The following SYNJ2BP variants were observed in gnomAD, a reference collection of about 807,000 sequenced individuals.
The protein encoded by SYNJ2BP is synaptojanin 2 binding protein.
In SYNJ2BP, 10 loss-of-function variants were observed where a neutral mutation model predicts 16.9. The observed-to-expected ratio is 0.59, with a 90% confidence interval of 0.36 to 1.00. The LOEUF is 1.00. Among genes scored for constraint, SYNJ2BP ranks in the 50% least tolerant of loss-of-function variants. SYNJ2BP has a pLI of 0.01. For synonymous variants in SYNJ2BP, 54 were observed against 68.4 expected (o/e 0.79, Z 1.04); for missense variants, 162 against 186.7 (o/e 0.87, Z 0.77).
intron 1 of SYNJ2BP, among the ~76,000 whole-genome samples, chr14:70,395,771 C>G (rs533538585): frequency 6.6e-6 from 1 of 152,194 alleles, no homozygotes; most frequent in Non-Finnish European, 1.5e-5. Flanking sequence ...TCTATACCCA[C>G]TAAAAAATAG....
In SYNJ2BP at chr14:70,369,637, C is replaced by T. The variant is rs1183123490; in HGVS notation, c.*3354G>A. ...ATGAGACATGAAATAATGTACCAAT[C>T]AGAGTTTGGTACAGTCCCTGGCATA... On this transcript the variant is annotated 3_prime_UTR_variant, in exon 4 of 4. Coordinates refer to ENST00000256366, the MANE Select transcript of SYNJ2BP (RefSeq NM_018373.3). 6.6e-6 allele frequency: 1 copy of T among 152,146 alleles called. No homozygotes were observed. The highest frequency in any genetic ancestry group is 1.5e-5 in the Non-Finnish European group (1 of 68,020). 9.4% of individuals were successfully genotyped at this position (152,146 alleles called of 1,614,324 possible).
intron 2 of SYNJ2BP, among the ~76,000 whole-genome samples, chr14:70,376,353 T>TA (rs1887629852): frequency 6.6e-6 from 1 of 152,240 alleles, no homozygotes; most frequent in Non-Finnish European, 1.5e-5. Context: ...CAAAACTTAG[T>TA]AAAAACCATA....
Position 70,393,965 on chromosome 14 carries a change from T to TAAA in SYNJ2BP, c.65-5362_65-5360dup, listed in dbSNP as rs71105707. ...GCACATGTATCTCAGAACTTAAAAT[T>TAAA]AAAAAAAAAAAAAAAGATTTGAAAC... On this transcript the variant is annotated intron_variant, in intron 1 of 3. Transcript: ENST00000256366. Among the ~76,000 whole-genome samples, 1,248 of 135,682 alleles carry TAAA rather than the reference T, an allele frequency of 9.2e-3. 23 individuals are homozygous for TAAA. The highest frequency in any genetic ancestry group is 0.032 in the African/African-American group (1,141 of 36,222). 89.0% of individuals were successfully genotyped at this position (135,682 alleles called of 152,430 possible).
intron 3 of SYNJ2BP, among the ~76,000 whole-genome samples, chr14:70,374,870 T>G (rs1887590801): frequency 6.6e-6 from 1 of 151,924 alleles, no homozygotes; most frequent in Non-Finnish European, 1.5e-5. Flanking sequence ...ATTGGCTACG[T>G]TTTTTTACCA....
At chr14:70,406,887 G>T (rs1012198077) in intron 1 of SYNJ2BP, among the ~76,000 whole-genome samples, 1 of 152,150 alleles carries the variant, frequency 6.6e-6, no homozygotes, top group Non-Finnish European at 1.5e-5. Context: ...TGTACAGCTA[G>T]CGCTGTGTGA....
chr14:70,397,061 G>A (rs1230115211), intron 1 of SYNJ2BP, among the ~76,000 whole-genome samples: 1 of 152,130 alleles, frequency 6.6e-6, no homozygotes, highest in Admixed American at 6.6e-5. Context: ...TAGCCAAATC[G>A]AAGGTATTGA....
chr14:70,375,279 G>A (rs1032226881), intron 3 of SYNJ2BP, among the ~76,000 whole-genome samples: 5 of 146,172 alleles, frequency 3.4e-5, no homozygotes, highest in African/African-American at 1.3e-4. Flanking sequence ...TTGGCTCACT[G>A]CAACCTCTAC....
chr14:70,391,586 T>C (rs747713040), intron 1 of SYNJ2BP, among the ~76,000 whole-genome samples: 2 of 152,228 alleles, frequency 1.3e-5, no homozygotes, highest in African/African-American at 2.4e-5. Flanking sequence ...AATCTTTTGA[T>C]GAAATCCAAC....
chr14:70,387,955 G>A (rs943009193), intron 2 of SYNJ2BP, among the ~76,000 whole-genome samples: 1 of 152,014 alleles, frequency 6.6e-6, no homozygotes, highest in Admixed American at 6.6e-5. Context: ...GGAACACAGC[G>A]GACAGGTACC....
intron 1 of SYNJ2BP, among the ~76,000 whole-genome samples, chr14:70,396,028 A>G (rs934445012): frequency 9.2e-5 from 14 of 152,142 alleles, no homozygotes; most frequent in Admixed American, 7.9e-4. Flanking sequence ...TTATTTACCT[A>G]TTCATCTGGC....
chr14:70,374,172 A>C (rs1566614023), intron 3 of SYNJ2BP, among the ~76,000 whole-genome samples: 1 of 152,214 alleles, frequency 6.6e-6, no homozygotes, highest in Admixed American at 6.5e-5. Flanking sequence ...ATACCTTCCA[A>C]AAGAATTGTA....
chr14:70,384,875 T>A (rs144199272), intron 2 of SYNJ2BP, among the ~76,000 whole-genome samples: 2 of 152,140 alleles, frequency 1.3e-5, no homozygotes, highest in East Asian at 3.9e-4. Context: ...TCTTTATAAA[T>A]TACCCAGTCT....
intron 2 of SYNJ2BP, among the ~76,000 whole-genome samples, chr14:70,386,347 T>G: frequency 6.6e-6 from 1 of 152,178 alleles, no homozygotes; most frequent in East Asian, 1.9e-4. Flanking sequence ...ATCTCACTGA[T>G]TAATAAACAG....
rs1888624408 is a variant in SYNJ2BP, at chr14:70,416,907, C to A, written c.57G>T (p.Gly19=). ...VTEEEINLTR[G]PSGLGFNIVG... is the part of the protein sequence containing the mutation. ...GACCCTTTCCGCACATACCTGAGGG[C>A]CCTCTGGTAAGATTGATCTCTTCCT... Residue 19 remains glycine (G), a synonymous_variant, in exon 1 of 4, where the codon GGG becomes GGT. Transcript: ENST00000256366. 1 of 1,614,012 alleles carries A rather than the reference C, an allele frequency of 6.2e-7. No homozygotes were observed. Among genetic ancestry groups the A allele is most frequent in the Admixed American group, 1.7e-5 (1 of 59,998 alleles).
intron 3 of SYNJ2BP, among the ~76,000 whole-genome samples, chr14:70,375,253 GTA>G (rs1887603884): frequency 6.7e-6 from 1 of 149,324 alleles, no homozygotes; most frequent in Non-Finnish European, 1.5e-5. Context: ...CCAGGCTGGA[GTA>G]TAGTGGTATG....
In SYNJ2BP at chr14:70,383,960, ATT is replaced by A. The variant is rs34105178; in HGVS notation, c.201+4508_201+4509del. Among the ~76,000 whole-genome samples, 147 of 144,058 alleles carry A rather than the reference ATT, an allele frequency of 1.0e-3. 1 individual carries two copies. The highest frequency in any genetic ancestry group is 1.8e-3 in the South Asian group (8 of 4,500). The allele number at this position is 144,058 out of a possible 152,430, so 94.5% of individuals were successfully genotyped here. ...CACTTTTGATGAGAAAGAGGAAACT[ATT>A]TTTTTTTTTTTTTGAGATGGAGTCT... On this transcript the variant is annotated intron_variant, in intron 2 of 3. Transcript: ENST00000256366.
intron 1 of SYNJ2BP, among the ~76,000 whole-genome samples, chr14:70,407,429 CAA>C (rs71105710): frequency 8.3e-4 from 92 of 110,982 alleles, no homozygotes; most frequent in Admixed American, 8.8e-4. Context: ...GACTCCGTCT[CAA>C]AAAAAAAAAA....
Position 70,371,374 on chromosome 14 carries a change from C to T in SYNJ2BP, c.*1617G>A, listed in dbSNP as rs61977541. On this transcript the variant is annotated 3_prime_UTR_variant, in exon 4 of 4. Coordinates refer to ENST00000256366, the MANE Select transcript of SYNJ2BP (RefSeq NM_018373.3). ...TGCTGCAAAAAGGTTTATTAAAAGC[C>T]GTATGTAGTGTATAAAGCCTTTCAA... 0.051 allele frequency: 7,725 copies of T among 152,194 alleles called. 265 individuals are homozygous for T. Among genetic ancestry groups the T allele is most frequent in the Middle Eastern group, 0.1 (31 of 296 alleles). 9.4% of individuals were successfully genotyped at this position (152,194 alleles called of 1,614,324 possible). A position where few individuals can be genotyped will look rare whatever the true frequency, so the allele number is the denominator to read the frequency against.
chr14:70,404,342 T>C (rs1888303381), intron 1 of SYNJ2BP, among the ~76,000 whole-genome samples: 1 of 152,162 alleles, frequency 6.6e-6, no homozygotes, highest in Non-Finnish European at 1.5e-5. Context: ...TAATGATCTA[T>C]ACAAGTCTAA....
Sources: gnomAD v4.1 joint callset for allele counts (sites outside exome capture counted in the v4.1 genomes callset) on GRCh38, gnomAD v4.1.1 for gene constraint, MANE v1.5 for transcripts, NCBI Gene and HGNC (gene_info 2026-07-23, HGNC 2026-07-21) for gene names.